LEKR1: variants seen among roughly 807,000 people sequenced by gnomAD.
LEKR1 encodes protein LEKR1.
LEKR1 carries 59 observed loss-of-function variants against 72.4 expected under a neutral mutation model. The observed-to-expected ratio is 0.82, with a 90% CI of 0.66 to 1.01. LEKR1 has a LOEUF of 1.01. Ranked by LOEUF, LEKR1 falls within the 50% of genes least tolerant of loss-of-function variation. The pLI, the probability that LEKR1 is intolerant of heterozygous loss-of-function variation, is 0.00. For missense variants in LEKR1, 728 were observed against 759.2 expected (o/e 0.96, Z 0.48); for synonymous variants, 257 against 263.2 (o/e 0.98, Z 0.23).
At chr3:156,915,782 A>G (rs1339337977) in intron 3 of LEKR1, among the ~76,000 whole-genome samples, 3 of 152,090 alleles carry the variant, frequency 2.0e-5, no homozygotes, top group Admixed American at 1.3e-4. Context: ...AAATTTGTCA[A>G]TTTTGGCTAT....
intron 6 of LEKR1, among the ~76,000 whole-genome samples, chr3:156,968,451 AC>A (rs1162921903): frequency 2.0e-5 from 3 of 152,220 alleles, no homozygotes; most frequent in African/African-American, 7.2e-5. Flanking sequence ...CAAATGGAAA[AC>A]AAAAGAAGGC....
chr3:156,837,021 A>C (rs1713235031), intron 2 of LEKR1, among the ~76,000 whole-genome samples: 1 of 152,224 alleles, frequency 6.6e-6, no homozygotes, highest in Non-Finnish European at 1.5e-5. Context: ...TTAGGACATT[A>C]TTCATCCTTT....
intron 3 of LEKR1, among the ~76,000 whole-genome samples, chr3:156,856,699 A>G (rs1256733273): frequency 6.6e-6 from 1 of 152,070 alleles, no homozygotes; most frequent in African/African-American, 2.4e-5. Flanking sequence ...TTTGGGAAAG[A>G]TGTCTTTTTA....
At chr3:156,827,098 A>C (rs559180179) in intron 1 of LEKR1, 1 of 152,570 alleles carries the variant, frequency 6.6e-6, no homozygotes, top group Non-Finnish European at 1.5e-5. Context: ...TTGATAACAC[A>C]CGCAAAACTA....
intron 10 of LEKR1, 95 bp downstream of exon 10, chr3:157,011,601 C>A: frequency 1.2e-6 from 1 of 810,114 alleles, no homozygotes; most frequent in Non-Finnish European, 2.1e-6. Flanking sequence ...GATTTATTTG[C>A]TTCTATGCAC....
intron 2 of LEKR1, among the ~76,000 whole-genome samples, chr3:156,848,801 A>T (rs1714950741): frequency 6.6e-6 from 1 of 152,228 alleles, no homozygotes; most frequent in Non-Finnish European, 1.5e-5. Flanking sequence ...CAAAAGACAT[A>T]AAGCTTAGAA....
intron 3 of LEKR1, among the ~76,000 whole-genome samples, chr3:156,879,854 G>T (rs1327903600): frequency 6.6e-6 from 1 of 152,302 alleles, no homozygotes; most frequent in South Asian, 2.1e-4. Context: ...GCTTCCACAT[G>T]GTGTTGAGTC....
At chr3:156,834,589 A>G (rs1306269997) in intron 2 of LEKR1, among the ~76,000 whole-genome samples, 1 of 152,198 alleles carries the variant, frequency 6.6e-6, no homozygotes, top group Admixed American at 6.5e-5. Context: ...CCTGGTAAGT[A>G]AGTAATTTTA....
chr3:156,990,110 C>G (rs1731035106), intron 7 of LEKR1, among the ~76,000 whole-genome samples: 1 of 152,068 alleles, frequency 6.6e-6, no homozygotes, highest in Non-Finnish European at 1.5e-5. Context: ...CACATTTTGT[C>G]TTTGTCTTTT....
At position 157,046,057 on chromosome 3, in the gene LEKR1, A is replaced by G. The variant is rs147651514; in HGVS notation, c.*307A>G. On this transcript the variant is annotated 3_prime_UTR_variant, in exon 13 of 13. Transcript: ENST00000356539. Reference sequence around the variant, plus strand: ...AGATCACAGGTAAAATTTTTCACCCATAACATCTTTTCAATTTCTTGCGCC... The same window carrying G: ...AGATCACAGGTAAAATTTTTCACCCGTAACATCTTTTCAATTTCTTGCGCC... 80 of 260,482 alleles carry G rather than the reference A, an allele frequency of 3.1e-4. No individual in the cohort carries two copies. The East Asian group carries it at 5.1e-3, about 17-fold the overall frequency. 16.1% of individuals were successfully genotyped at this position (260,482 alleles called of 1,614,324 possible). A position where few individuals can be genotyped will look rare whatever the true frequency, so the allele number is the denominator to read the frequency against.
intron 6 of LEKR1, among the ~76,000 whole-genome samples, chr3:156,965,925 A>G (rs1728529263): frequency 6.6e-6 from 1 of 152,218 alleles, no homozygotes; most frequent in Non-Finnish European, 1.5e-5. Context: ...TAAATGAGAT[A>G]TTACTTTTGT....
Position 156,968,619 on chromosome 3 carries a change from A to T in LEKR1, c.746-10575A>T, listed in dbSNP as rs537730128. ...CAATACAGGAGCACCAAGATTCATA[A>T]AGCAAGTCCTTAGAGACCTAGAAAG... On this transcript the variant is annotated intron_variant, in intron 6 of 12. Transcript: ENST00000356539. 1.7e-3 allele frequency among the ~76,000 whole-genome samples: 254 copies of T among 152,320 alleles called. 10 individuals carry two copies. In the South Asian group the frequency reaches 0.051, roughly 31 times the overall value.
intron 12 of LEKR1, among the ~76,000 whole-genome samples, chr3:157,033,221 C>T (rs1328154779): frequency 6.6e-6 from 1 of 152,182 alleles, no homozygotes; most frequent in Non-Finnish European, 1.5e-5. Context: ...GGAAGAATTA[C>T]ACATCTCTCA....
At chr3:157,043,988 T>G (rs1478434146) in intron 12 of LEKR1, among the ~76,000 whole-genome samples, 1 of 152,230 alleles carries the variant, frequency 6.6e-6, no homozygotes, top group East Asian at 1.9e-4. Flanking sequence ...TCCATTTTGA[T>G]TACCAAATTT....
rs923501130 is a variant in LEKR1, at chr3:156,937,632, C to T, written c.560-4897C>T. On this transcript the variant is annotated intron_variant, in intron 5 of 12. Transcript: ENST00000356539. ...GCATTTTCCTCTGAAACTGAAGATG[C>T]ACTTACCACATGACGCAACATTTGC... is the stretch of plus-strand genomic sequence containing the variant. Among the ~76,000 whole-genome samples, 7 of 152,272 alleles carry T rather than the reference C, an allele frequency of 4.6e-5. No homozygotes were observed. In the South Asian group the frequency reaches 1.5e-3, roughly 32 times the overall value.
At chr3:156,846,099 T>A (rs1714555877) in intron 2 of LEKR1, among the ~76,000 whole-genome samples, 1 of 152,168 alleles carries the variant, frequency 6.6e-6, no homozygotes, top group Admixed American at 6.5e-5. Flanking sequence ...ATGTATGTAT[T>A]GTATTTTCAA....
chr3:156,993,111 A>C lies in LEKR1; in HGVS notation c.943A>C (p.Met315Leu). ...MLLKEKEDSL[M>L]TCQQIYKALQ... Reference sequence around the variant, plus strand: ...GCTTAAGGAAAAAGAAGACTCTTTAATGACTTGTCAACAGATATATAAAGC... The same window carrying C: ...GCTTAAGGAAAAAGAAGACTCTTTACTGACTTGTCAACAGATATATAAAGC... The change falls in exon 9 of 13, where the codon ATG (methionine) becomes CTG (leucine). Residue 315 changes from methionine to leucine, a missense_variant. By Grantham distance (15) the Met-to-Leu change is conservative. Transcript: ENST00000356539. 6.2e-7 allele frequency: 1 copy of C among 1,608,300 alleles called. No homozygotes were observed. The highest frequency in any genetic ancestry group is 8.5e-7 in the Non-Finnish European group (1 of 1,178,108).
intron 9 of LEKR1, among the ~76,000 whole-genome samples, chr3:157,007,716 G>GT (rs111758335): frequency 3.9e-5 from 6 of 152,348 alleles, no homozygotes; most frequent in South Asian, 2.1e-4. Flanking sequence ...GCATTCTCAA[G>GT]TAAGAGCTGC....
chr3:156,867,504 G>A (rs1415685949), intron 3 of LEKR1, among the ~76,000 whole-genome samples: 1 of 151,864 alleles, frequency 6.6e-6, no homozygotes, highest in Non-Finnish European at 1.5e-5. Context: ...TTTTGTACAT[G>A]TTTTTCCCCC....
Sources: allele counts gnomAD v4.1 joint callset (sites outside exome capture counted in the v4.1 genomes callset), GRCh38; gene constraint gnomAD v4.1.1; transcripts MANE v1.5; gene names NCBI Gene and HGNC (gene_info 2026-07-23, HGNC 2026-07-21).